The following LRRC4C variants were observed in gnomAD, a reference collection of about 807,000 sequenced individuals.
The protein encoded by LRRC4C is leucine-rich repeat-containing protein 4C.
LRRC4C carries 5 observed loss-of-function variants against 33.6 expected under a neutral mutation model. The observed-to-expected ratio is 0.15, with a 90% CI of 0.08 to 0.31. LRRC4C has a LOEUF of 0.31. LRRC4C is among the 10% of genes least tolerant of loss of function. The pLI is 1.00. For synonymous variants in LRRC4C, 329 were observed against 302.0 expected (o/e 1.09, Z -0.93); for missense variants, 560 against 796.7 (o/e 0.70, Z 3.58).
chr11:40,829,746 C>T lies in LRRC4C; in HGVS notation c.-407+103889G>A, dbSNP rs573872869. On this transcript the variant is annotated intron_variant, in intron 2 of 6. Transcript: ENST00000528697. ...ATTTCTCCATAATATTTTTTAAAACCCATATATTGATATTGATTCCATTAT... is the reference window on the plus strand; with the variant it reads ...ATTTCTCCATAATATTTTTTAAAACTCATATATTGATATTGATTCCATTAT... 1.6e-3 allele frequency among the ~76,000 whole-genome samples: 237 copies of T among 151,910 alleles called. 2 individuals carry two copies. Among genetic ancestry groups the T allele is most frequent in the African/African-American group, 5.5e-3 (229 of 41,474 alleles).
chr11:40,933,577 C>T (rs1189039541), intron 2 of LRRC4C, 58 bp downstream of exon 2: 1 of 150,054 alleles, frequency 6.7e-6, no homozygotes, highest in East Asian at 2.0e-4. Context: ...CATTTCTAGT[C>T]ATATATGAAA....
intron 2 of LRRC4C, among the ~76,000 whole-genome samples, chr11:40,774,462 C>T (rs1202175975): frequency 2.0e-5 from 3 of 152,054 alleles, no homozygotes; most frequent in African/African-American, 4.8e-5. Context: ...TAATCTGGAG[C>T]TATTCTGCAT....
chr11:41,209,145 G>A (rs1946719199), intron 1 of LRRC4C, among the ~76,000 whole-genome samples: 1 of 151,212 alleles, frequency 6.6e-6, no homozygotes, highest in Non-Finnish European at 1.5e-5. Flanking sequence ...CTAAACCGCT[G>A]AGTCACAAGT....
chr11:41,118,596 A>G (rs1177956998), intron 1 of LRRC4C, among the ~76,000 whole-genome samples: 2 of 152,134 alleles, frequency 1.3e-5, no homozygotes, highest in East Asian at 3.9e-4. Context: ...TTCGTTTCTC[A>G]ATTGGTAAAT....
intron 3 of LRRC4C, among the ~76,000 whole-genome samples, chr11:40,541,000 T>C (rs760765923): frequency 6.6e-6 from 1 of 152,084 alleles, no homozygotes; most frequent in Non-Finnish European, 1.5e-5. Context: ...AAAGCACCTA[T>C]AGGGAAATCA....
intron 1 of LRRC4C, among the ~76,000 whole-genome samples, chr11:41,190,412 G>A (rs1379720657): frequency 6.6e-6 from 1 of 152,184 alleles, no homozygotes; most frequent in Non-Finnish European, 1.5e-5. Flanking sequence ...CCAAGCATTT[G>A]CAGGAAGAAC....
At chr11:40,252,739 A>G (rs1295236009) in intron 4 of LRRC4C, among the ~76,000 whole-genome samples, 4 of 152,174 alleles carry the variant, frequency 2.6e-5, no homozygotes, top group Non-Finnish European at 5.9e-5. Context: ...TATGGCTCCA[A>G]TAGAGAAAAT....
intron 2 of LRRC4C, among the ~76,000 whole-genome samples, chr11:40,710,874 T>A (rs1946427823): frequency 6.6e-6 from 1 of 152,176 alleles, no homozygotes. Context: ...GCTTCCCAGC[T>A]GCTTTGTTTA....
chr11:41,095,309 A>G (rs1387630245), intron 1 of LRRC4C, among the ~76,000 whole-genome samples: 1 of 152,102 alleles, frequency 6.6e-6, no homozygotes, highest in Admixed American at 6.6e-5. Context: ...CCATAATCCA[A>G]TCACCTCCCA....
intron 2 of LRRC4C, among the ~76,000 whole-genome samples, chr11:40,727,874 C>G (rs781377282): frequency 6.6e-6 from 1 of 151,900 alleles, no homozygotes; most frequent in Admixed American, 6.6e-5. Context: ...CATGGCAAAA[C>G]CCTATCTCTA....
chr11:40,632,471 G>T (rs1023908306), intron 3 of LRRC4C, among the ~76,000 whole-genome samples: 2 of 152,194 alleles, frequency 1.3e-5, no homozygotes, highest in African/African-American at 4.8e-5. Flanking sequence ...ATTGGCTTTT[G>T]CATATCTGTA....
intron 1 of LRRC4C, among the ~76,000 whole-genome samples, chr11:41,385,014 G>A (rs1953302744): frequency 6.6e-6 from 1 of 150,446 alleles, no homozygotes; most frequent in South Asian, 2.1e-4. Flanking sequence ...CATTAGTAGA[G>A]CTAAATATAG....
At chr11:40,399,440 A>C (rs1489233998) in intron 3 of LRRC4C, among the ~76,000 whole-genome samples, 1 of 151,862 alleles carries the variant, frequency 6.6e-6, no homozygotes, top group African/African-American at 2.4e-5. Flanking sequence ...AGGACAAAAA[A>C]CCAAACACCG....
At chr11:41,092,341 T>C (rs141448139) in intron 1 of LRRC4C, among the ~76,000 whole-genome samples, 81 of 152,272 alleles carry the variant, frequency 5.3e-4, no homozygotes, top group African/African-American at 1.7e-3. Context: ...TATTACTTAT[T>C]CTCTGTGAAT....
At position 40,115,839 on chromosome 11, in the gene LRRC4C, C is replaced by T; in HGVS notation, c.454G>A (p.Glu152Lys). Residue 152 changes from glutamate (E) to lysine (K), a missense_variant, in exon 7 of 7, where the codon GAG becomes AAG. Physicochemically the swap from Glu to Lys is moderately conservative, Grantham distance 56 (BLOSUM62 1). Coordinates refer to ENST00000528697, the MANE Select transcript of LRRC4C (RefSeq NM_001258419.2). The surrounding 1 kb of genome is among the most constrained non-coding windows in gnomAD (Gnocchi z 6.7). ...ATGGGGTTGTTTCGCAACCAGAGCT[C>T]CTTCAGTTTAGACAAGTATACAAAA... is the stretch of plus-strand genomic sequence containing the variant. Reference protein sequence around the residue: ...GAFVYLSKLKELWLRNNPIES... With the variant: ...GAFVYLSKLKKLWLRNNPIES... The T allele has an allele frequency of 6.2e-7, 1 of 1,614,106 alleles. No individual in the cohort carries two copies. Among genetic ancestry groups the T allele is most frequent in the Non-Finnish European group, 8.5e-7 (1 of 1,180,022 alleles).
chr11:40,538,858 G>A (rs779838022), intron 3 of LRRC4C, among the ~76,000 whole-genome samples: 9 of 152,028 alleles, frequency 5.9e-5, no homozygotes, highest in South Asian at 2.1e-4. Flanking sequence ...ATGGTATCTC[G>A]TTGTGGTTTT....
intron 1 of LRRC4C, among the ~76,000 whole-genome samples, chr11:41,312,352 G>A (rs2958850): frequency 0.38 from 57,385 of 152,028 alleles, 12,998 homozygotes; most frequent in Non-Finnish European, 0.5. Flanking sequence ...ACCATTTTAA[G>A]AATCAAAGGA....
chr11:40,732,781 A>G (rs1947657607), intron 2 of LRRC4C, among the ~76,000 whole-genome samples: 1 of 152,142 alleles, frequency 6.6e-6, no homozygotes, highest in Non-Finnish European at 1.5e-5. Context: ...CCCAACTACC[A>G]GGGTTGTTTT....
At chr11:40,522,743 T>C (rs1472175202) in intron 3 of LRRC4C, among the ~76,000 whole-genome samples, 2 of 152,204 alleles carry the variant, frequency 1.3e-5, no homozygotes, top group Non-Finnish European at 2.9e-5. Flanking sequence ...ACCATTCTGT[T>C]TTCTGTCTTC....
Sources: allele counts gnomAD v4.1 joint callset (sites outside exome capture counted in the v4.1 genomes callset), GRCh38; gene constraint gnomAD v4.1.1; non-coding constraint Gnocchi (gnomAD v3.1); transcripts MANE v1.5; gene names NCBI Gene and HGNC (gene_info 2026-07-23, HGNC 2026-07-21).